The following RAB6B variants were observed in gnomAD, a reference collection of about 807,000 sequenced individuals.
RAB6B encodes the protein ras-related protein Rab-6B.
A neutral mutation model predicts 31.2 loss-of-function variants in RAB6B; 7 were observed. The observed-to-expected ratio is 0.22, with a 90% CI of 0.13 to 0.42. RAB6B has a LOEUF of 0.42. RAB6B is among the 10% of genes least tolerant of loss of function. RAB6B has a pLI of 1.00. For missense variants in RAB6B, 149 were observed against 280.6 expected (o/e 0.53, Z 3.35); for synonymous variants, 105 against 104.9 (o/e 1.00, Z -0.01).
intron 1 of RAB6B, among the ~76,000 whole-genome samples, chr3:133,877,700 G>C (rs1367010032): frequency 6.6e-6 from 1 of 150,738 alleles, no homozygotes; most frequent in East Asian, 1.9e-4. Context: ...TGACAGAGAT[G>C]TTATAATTAG....
At chr3:133,841,996 CACCTGGACTCCCT>C (rs1236331585) in intron 2 of RAB6B, among the ~76,000 whole-genome samples, 25 of 152,214 alleles carry the variant, frequency 1.6e-4, no homozygotes. Context: ...CTGCCCTCCC[CACCTGGACTCCCT>C]GCCTTGTTCC....
At chr3:133,888,152 A>T (rs887028059) in intron 1 of RAB6B, among the ~76,000 whole-genome samples, 1 of 152,192 alleles carries the variant, frequency 6.6e-6, no homozygotes, top group African/African-American at 2.4e-5. Flanking sequence ...CTTTGAGGCA[A>T]GAGGTCTGAT....
rs1935550122 is a variant in RAB6B at position 133,825,703 on chromosome 3, C to G, written c.*3085G>C. The G allele has an allele frequency of 6.6e-6, 1 of 152,218 alleles. No individual in the cohort carries two copies. The highest frequency in any genetic ancestry group is 1.5e-5 in the Non-Finnish European group (1 of 68,050). 9.4% of individuals were successfully genotyped at this position (152,218 alleles called of 1,614,324 possible). ...CATCTTACACTCAACTTTCCTGATG[C>G]CTGCAGAACAGGAGCTTTGTTGATA... On this transcript the variant is annotated 3_prime_UTR_variant, in exon 8 of 8. Coordinates refer to ENST00000285208, the MANE Select transcript of RAB6B (RefSeq NM_016577.4).
At chr3:133,841,528 A>G (rs1049311203) in intron 3 of RAB6B, 82 bp downstream of exon 3, 6 of 1,553,278 alleles carry the variant, frequency 3.9e-6, no homozygotes, top group African/African-American at 1.4e-5. Flanking sequence ...AGGTGCTCTC[A>G]GTGGTGCCCA....
intron 1 of RAB6B, among the ~76,000 whole-genome samples, chr3:133,873,762 C>T (rs1359066925): frequency 1.3e-5 from 2 of 152,156 alleles, no homozygotes; most frequent in Non-Finnish European, 2.9e-5. Context: ...CCTGCATAGT[C>T]AAAAATCCTC....
At chr3:133,878,614 A>G (rs546582339) in intron 1 of RAB6B, among the ~76,000 whole-genome samples, 2 of 152,270 alleles carry the variant, frequency 1.3e-5, no homozygotes, top group Non-Finnish European at 2.9e-5. Flanking sequence ...GAACACAGGA[A>G]ATGGTCACTA....
At chr3:133,851,151 A>C (rs571301166) in intron 2 of RAB6B, among the ~76,000 whole-genome samples, 1 of 152,238 alleles carries the variant, frequency 6.6e-6, no homozygotes, top group African/African-American at 2.4e-5. Flanking sequence ...TCACTACAAG[A>C]AATGTTAAAG....
At chr3:133,875,163 C>A (rs190251919) in intron 1 of RAB6B, among the ~76,000 whole-genome samples, 5 of 152,306 alleles carry the variant, frequency 3.3e-5, no homozygotes, top group East Asian at 1.9e-4. Context: ...TTCATACATG[C>A]GGTCTGTCGT....
intron 1 of RAB6B, among the ~76,000 whole-genome samples, chr3:133,882,131 C>T (rs189249249): frequency 6.6e-6 from 1 of 152,168 alleles, no homozygotes; most frequent in African/African-American, 2.4e-5. Context: ...GACTTCCCCC[C>T]ACGGGCTGCT....
chr3:133,829,654 A>G (rs1935627210), intron 7 of RAB6B, among the ~76,000 whole-genome samples: 1 of 152,180 alleles, frequency 6.6e-6, no homozygotes, highest in African/African-American at 2.4e-5. Flanking sequence ...GTGGTATAAG[A>G]AACACTGTTT....
chr3:133,826,569 G>C lies in RAB6B; in HGVS notation c.*2219C>G, dbSNP rs1169827933. On this transcript the variant is annotated 3_prime_UTR_variant, in exon 8 of 8. Coordinates refer to ENST00000285208, the MANE Select transcript of RAB6B (RefSeq NM_016577.4). ...TGTGGACTCCTGTAAATTCTCTCGA[G>C]GTAAGTAAGCACTCTTCCAACAAGC... The C allele has an allele frequency of 6.5e-6, 1 of 152,678 alleles. No individual in the cohort carries two copies. The highest frequency in any genetic ancestry group is 1.5e-5 in the Non-Finnish European group (1 of 68,064). The allele number at this position is 152,678 out of a possible 1,614,324, so 9.5% of individuals were successfully genotyped here. A position where few individuals can be genotyped will look rare whatever the true frequency, so the allele number is the denominator to read the frequency against.
intron 1 of RAB6B, among the ~76,000 whole-genome samples, chr3:133,892,003 C>A (rs527971091): frequency 6.6e-6 from 1 of 152,164 alleles, no homozygotes; most frequent in South Asian, 2.1e-4. Flanking sequence ...CCCTTCCCAC[C>A]ACACACACTG....
chr3:133,872,505 T>A (rs1253185667), intron 1 of RAB6B, among the ~76,000 whole-genome samples: 2 of 152,226 alleles, frequency 1.3e-5, no homozygotes, highest in Non-Finnish European at 2.9e-5. Flanking sequence ...ACACCAGCTA[T>A]ATCCATCTGA....
intron 7 of RAB6B, among the ~76,000 whole-genome samples, chr3:133,832,414 GA>G (rs1325622301): frequency 6.6e-6 from 1 of 152,084 alleles, no homozygotes; most frequent in African/African-American, 2.4e-5. Context: ...GCAGCAGACG[GA>G]AACCTCATGC....
chr3:133,839,829 C>A (rs993128506), intron 4 of RAB6B, among the ~76,000 whole-genome samples: 1 of 152,186 alleles, frequency 6.6e-6, no homozygotes, highest in African/African-American at 2.4e-5. Context: ...GCCACTTGCA[C>A]TGTTCAGCCA....
intron 1 of RAB6B, among the ~76,000 whole-genome samples, chr3:133,867,640 C>T (rs553824772): frequency 1.6e-4 from 24 of 152,268 alleles, no homozygotes; most frequent in African/African-American, 5.3e-4. Context: ...GGGAACAGCC[C>T]GTCCCAGGCC....
At position 133,875,997 on chromosome 3, in the gene RAB6B, CG is replaced by C. The variant is rs1163811455; in HGVS notation, c.71-11356del. On this transcript the variant is annotated intron_variant, in intron 1 of 7. Coordinates refer to ENST00000285208, the MANE Select transcript of RAB6B (RefSeq NM_016577.4). The stretch of plus-strand genomic sequence containing the variant: ...GACTCATGAAAATAAGATTTGAAAA[CG>C]TAATTATTTAAAATAGTATCAGAAT... 1.2e-4 allele frequency among the ~76,000 whole-genome samples: 18 copies of C among 152,244 alleles called. No individual in the cohort carries two copies. In the East Asian group the frequency reaches 3.1e-3, roughly 26 times the overall value.
chr3:133,845,250 G>C (rs938244120), intron 2 of RAB6B, among the ~76,000 whole-genome samples: 6 of 152,204 alleles, frequency 3.9e-5, no homozygotes, highest in African/African-American at 1.4e-4. Context: ...TCCTCAATGT[G>C]ATAGTATTAA....
chr3:133,880,470 T>C (rs1398896656), intron 1 of RAB6B, among the ~76,000 whole-genome samples: 2 of 152,230 alleles, frequency 1.3e-5, no homozygotes, highest in Non-Finnish European at 2.9e-5. Flanking sequence ...AGACAAAGCT[T>C]GCTCAGGCAA....
Sources: allele counts gnomAD v4.1 joint callset (sites outside exome capture counted in the v4.1 genomes callset), GRCh38; gene constraint gnomAD v4.1.1; transcripts MANE v1.5; gene names NCBI Gene and HGNC (gene_info 2026-07-23, HGNC 2026-07-21).